Variants in NDUFS2 observed in about 807,000 individuals in gnomAD.
NDUFS2 encodes the protein NADH dehydrogenase [ubiquinone] iron-sulfur protein 2, mitochondrial.
NDUFS2 carries 38 observed loss-of-function variants against 69.6 expected under a neutral mutation model. The observed-to-expected ratio is 0.55, with a 90% CI of 0.42 to 0.72. The LOEUF is 0.72. NDUFS2 is among the 30% of genes least tolerant of loss of function. The probability of loss-of-function intolerance (pLI) is 0.00; values close to 1 mark genes in which losing one functional copy is unlikely to be tolerated. For synonymous variants in NDUFS2, 194 were observed against 211.2 expected (o/e 0.92, Z 0.70); for missense variants, 468 against 595.0 (o/e 0.79, Z 2.22).
chr1:161,213,629 C>T lies in NDUFS2; in HGVS notation c.1213-20C>T, dbSNP rs139327184. 364 of 1,613,146 alleles carry T rather than the reference C, an allele frequency of 2.3e-4. No homozygotes were observed. The highest frequency in any genetic ancestry group is 3.0e-4 in the Non-Finnish European group (348 of 1,179,110). ...TACTCTTCATGTTAATACAGACACCCAACCTTCTTCCTTGAACAGGGAGAG... is the reference window on the plus strand; with the variant it reads ...TACTCTTCATGTTAATACAGACACCTAACCTTCTTCCTTGAACAGGGAGAG... On this transcript the variant is annotated intron_variant, in intron 11 of 13. Transcript: ENST00000676972.
Position 161,212,395 on chromosome 1 carries a change from T to C in NDUFS2, c.1031T>C (p.Ile344Thr), listed in dbSNP as rs762275319. ...GAGATGCGCCAGTCCCTGAGAATTA[T>C]CGCACAGTGTCTAAACAAGATGCCT... ...VEEMRQSLRI[I>T]AQCLNKMPPG... Residue 344 changes from isoleucine to threonine, a missense_variant, in exon 10 of 14, where the codon ATC becomes ACC. By Grantham distance (89) the Ile-to-Thr change is moderately conservative. Around this residue, in one of 3 missense-constraint regions of NDUFS2, gnomAD observed 339 missense variants for 433.8 expected, o/e 0.78. Transcript: ENST00000676972. 4 of 1,613,750 alleles carry C rather than the reference T, an allele frequency of 2.5e-6. No homozygotes were observed. In the African/African-American group the frequency reaches 5.3e-5, roughly 22 times the overall value.
At chr1:161,211,282 A>T (rs1665757096) in intron 9 of NDUFS2, among the ~76,000 whole-genome samples, 1 of 152,190 alleles carries the variant, frequency 6.6e-6, no homozygotes, top group Non-Finnish European at 1.5e-5. Flanking sequence ...ATTAGCTGGG[A>T]TTATTCTTCA....
At position 161,202,444 on chromosome 1, in the gene NDUFS2, C is replaced by T. The variant is rs780630195; in HGVS notation, c.59C>T (p.Pro20Leu). ...GGCGTCGCGGCCCAGGTGCTGCGGC[C>T]TGGGGCTGGAGTCCGATTGCCGATT... The part of the protein sequence containing the change: ...FRGVAAQVLR[P>L]GAGVRLPIQP... Residue 20 changes from proline to leucine, a missense_variant, in exon 1 of 14, where the codon CCT (proline) becomes CTT (leucine). Physicochemically the swap from Pro to Leu is moderately conservative, Grantham distance 98. Transcript: ENST00000676972. 3.4e-5 allele frequency: 55 copies of T among 1,612,526 alleles called. No homozygotes were observed. The Middle Eastern group carries it at 1.3e-3, about 39-fold the overall frequency.
intron 6 of NDUFS2, 69 bp from the exon 7 acceptor site, chr1:161,210,042 G>T: frequency 1.3e-6 from 2 of 1,590,102 alleles, no homozygotes; most frequent in Admixed American, 3.3e-5. Flanking sequence ...GCTGGGGGAG[G>T]GGGTGCTGAG....
Position 161,202,372 on chromosome 1 carries a change from G to C in NDUFS2, c.-14G>C. Reference sequence around the variant, plus strand: ...CGCCCGGTTCTCCTTCCCGCAGTCTGCAGCCGGAGTAAGATGGCGGCGCTG... The same window carrying C: ...CGCCCGGTTCTCCTTCCCGCAGTCTCCAGCCGGAGTAAGATGGCGGCGCTG... On this transcript the variant is annotated 5_prime_UTR_variant, in exon 1 of 14. Coordinates refer to ENST00000676972, the MANE Select transcript of NDUFS2 (RefSeq NM_001377299.1). 2 of 1,607,722 alleles carry C rather than the reference G, an allele frequency of 1.2e-6. No homozygotes were observed. The highest frequency in any genetic ancestry group is 1.7e-6 in the Non-Finnish European group (2 of 1,177,468).
intron 3 of NDUFS2, among the ~76,000 whole-genome samples, chr1:161,208,096 T>C (rs1665574725): frequency 6.6e-6 from 1 of 151,256 alleles, no homozygotes; most frequent in African/African-American, 2.4e-5. Flanking sequence ...GCGAGTCTCG[T>C]TCCTCAGCCT....
chr1:161,202,097 G>A, upstream of NDUFS2: 2 of 510,052 alleles, frequency 3.9e-6, no homozygotes, highest in Non-Finnish European at 7.1e-6. Flanking sequence ...GAGAGAGCAC[G>A]AAGTATCTGC....
chr1:161,209,149 T>C, intron 3 of NDUFS2, 44 bp from the exon 4 acceptor site: 3 of 1,614,134 alleles, frequency 1.9e-6, no homozygotes, highest in Non-Finnish European at 2.5e-6. Context: ...GACTGTGGGC[T>C]CCTGAGCCTG....
rs562442172 is a variant in NDUFS2, at chr1:161,212,645, C to A, written c.1116+165C>A. The A allele has an allele frequency of 8.6e-6, 7 of 811,854 alleles. No individual in the cohort carries two copies. In the Admixed American group the frequency reaches 1.5e-4, roughly 18 times the overall value. 50.3% of individuals were successfully genotyped at this position (811,854 alleles called of 1,614,324 possible). A position where few individuals can be genotyped will look rare whatever the true frequency, so the allele number is the denominator to read the frequency against. On this transcript the variant is annotated intron_variant, in intron 10 of 13. Coordinates refer to ENST00000676972, the MANE Select transcript of NDUFS2 (RefSeq NM_001377299.1). ...TGCAATCTCGGCTAACTGCAACCTC[C>A]GCCTCCCAGGTTCAAGCAATTCTTC...
At chr1:161,202,993 C>T (rs1230461273) in intron 1 of NDUFS2, among the ~76,000 whole-genome samples, 5 of 152,140 alleles carry the variant, frequency 3.3e-5, no homozygotes, top group Non-Finnish European at 7.3e-5. Flanking sequence ...AACTTCAGAT[C>T]AGTGACTTGG....
At chr1:161,202,341 T>C (rs1357194571), upstream of NDUFS2, 5 of 1,569,422 alleles carry the variant, frequency 3.2e-6, no homozygotes, top group Admixed American at 9.2e-5. Flanking sequence ...GCGCTGGAGT[T>C]ACTTCCGCCC....
chr1:161,198,974 C>T (rs1023347514), upstream of NDUFS2: 3 of 255,860 alleles, frequency 1.2e-5, no homozygotes, highest in South Asian at 1.4e-4. This position sits in a 1 kb window ranked among gnomAD's most constrained non-coding sequence, Gnocchi z 4.7. Context: ...TGCCTTCTTC[C>T]GCTGTGCCTT....
In NDUFS2 at chr1:161,209,598, A is replaced by C. The variant is rs111808262; in HGVS notation, c.627+3A>C. On this transcript the variant is annotated splice_donor_region_variant and intron_variant, in intron 5 of 13. Coordinates refer to ENST00000676972, the MANE Select transcript of NDUFS2 (RefSeq NM_001377299.1). ...GGCTGTTTGAAGAAAGGGAGAAGGT[A>C]AGAGTGGGAGGAAAGGATAGGAATA... 3.1e-6 allele frequency: 5 copies of C among 1,605,778 alleles called. No homozygotes were observed. The Admixed American group carries it at 8.4e-5, about 27-fold the overall frequency.
intron 9 of NDUFS2, 47 bp from the exon 10 acceptor site, chr1:161,212,304 C>T: frequency 6.2e-7 from 1 of 1,611,630 alleles, no homozygotes; most frequent in Non-Finnish European, 8.5e-7. Flanking sequence ...TAGCCCCATA[C>T]CTGCTCCTCT....
chr1:161,198,591 C>T (rs1247900873), upstream of NDUFS2: 1 of 1,536,674 alleles, frequency 6.5e-7, no homozygotes. This position sits in a 1 kb window ranked among gnomAD's most constrained non-coding sequence, Gnocchi z 4.7. Flanking sequence ...CAGCGCCCTG[C>T]CAAGCCCCTC....
Position 161,209,911 on chromosome 1 carries a change from C to T in NDUFS2, c.682C>T (p.Arg228Trp), listed in dbSNP as rs746411338. The T allele has an allele frequency of 7.4e-6, 12 of 1,613,932 alleles. No homozygotes were observed. Among genetic ancestry groups the T allele is most frequent in the Middle Eastern group, 3.3e-4 (2 of 6,084 alleles). ...AGCCCGAATGCATGCTGCTTATATC[C>T]GGCCAGGAGGAGTGCACCAGGTGAG... ...SGARMHAAYI[R>W]PGGVHQDLPL... The change falls in exon 6 of 14, where the codon CGG becomes TGG. Residue 228 changes from arginine (R) to tryptophan (W), a missense_variant. Physicochemically the swap from Arg to Trp is moderately radical, Grantham distance 101. This residue lies in a region of NDUFS2 where 339 missense variants were observed against 433.8 expected (regional missense o/e 0.78). Transcript: ENST00000676972.
rs1665943897 is a variant in NDUFS2, at chr1:161,214,371, C to T, written c.*178C>T. ...AAAAGGAGAAATTATAATAAATTAG[C>T]CGTCTTGCGGCCCCTAGGCCTAAAC... On this transcript the variant is annotated 3_prime_UTR_variant, in exon 14 of 14. Coordinates refer to ENST00000676972, the MANE Select transcript of NDUFS2 (RefSeq NM_001377299.1). 1.0e-5 allele frequency: 7 copies of T among 688,768 alleles called. No homozygotes were observed. Among genetic ancestry groups the T allele is most frequent in the South Asian group, 1.7e-5 (1 of 58,112 alleles). The allele number at this position is 688,768 out of a possible 1,614,324, so 42.7% of individuals were successfully genotyped here. A position where few individuals can be genotyped will look rare whatever the true frequency, so the allele number is the denominator to read the frequency against.
intron 11 of NDUFS2, 65 bp from the exon 12 acceptor site, chr1:161,213,584 G>T: frequency 6.4e-7 from 1 of 1,573,314 alleles, no homozygotes; most frequent in Admixed American, 1.7e-5. Context: ...ATGAATAGAG[G>T]TTTTGTTGGC....
chr1:161,206,376 A>G, intron 2 of NDUFS2, 31 bp from the exon 3 acceptor site: 1 of 1,611,878 alleles, frequency 6.2e-7, no homozygotes, highest in Non-Finnish European at 8.5e-7. Context: ...GGGAATAACC[A>G]TGTGGCTCTG....
Sources: gnomAD v4.1 joint callset for allele counts (sites outside exome capture counted in the v4.1 genomes callset) on GRCh38, gnomAD v4.1.1 for gene constraint, gnomAD v4.1.1 regional missense constraint, Gnocchi (gnomAD v3.1) non-coding constraint, MANE v1.5 for transcripts, NCBI Gene and HGNC (gene_info 2026-07-23, HGNC 2026-07-21) for gene names.